TRMT10A: variants seen among roughly 807,000 people sequenced by gnomAD.
TRMT10A encodes tRNA methyltransferase 10A.
Under a neutral mutation model 40.4 loss-of-function variants are expected in TRMT10A, and 37 were observed. That is an observed-to-expected ratio of 0.92 (90% CI 0.71 to 1.21). TRMT10A has a LOEUF of 1.21. TRMT10A is among the 50% of genes most tolerant of loss of function. The probability of loss-of-function intolerance (pLI) is 0.00; values close to 1 mark genes in which losing one functional copy is unlikely to be tolerated. For synonymous variants in TRMT10A, 103 were observed against 134.1 expected (o/e 0.77, Z 1.60); for missense variants, 388 against 404.3 (o/e 0.96, Z 0.35).
rs372308165 is a variant in TRMT10A, at chr4:99,556,635, A to G, written c.421-415T>C. Among the ~76,000 whole-genome samples the G allele has an allele frequency of 2.0e-5, 3 of 152,136 alleles. No homozygotes were observed. In the East Asian group the frequency reaches 5.8e-4, roughly 29 times the overall value. On this transcript the variant is annotated intron_variant, in intron 4 of 7. Coordinates refer to ENST00000394876, the MANE Select transcript of TRMT10A (RefSeq NM_001134665.3). ...AATCAAGGGTGAGAAGGGGTCTACT[A>G]CAGATAAAAATGGGGATAAAAGGAC...
rs1724016030 is a variant in TRMT10A, at chr4:99,552,885, TGGTG to T, written c.645+896_645+899del. 2.0e-5 allele frequency among the ~76,000 whole-genome samples: 3 copies of T among 151,154 alleles called. No individual in the cohort carries two copies. In the South Asian group the frequency reaches 6.3e-4, roughly 32 times the overall value. Reference sequence around the variant, plus strand: ...TTTGTCAACTGATGGTTTGCATACTTGGTGGGGGGGGGAGGCAGCAAATAATAAT... The same window carrying T: ...TTTGTCAACTGATGGTTTGCATACTTGGGGGGGGAGGCAGCAAATAATAAT... On this transcript the variant is annotated intron_variant, in intron 6 of 7. Transcript: ENST00000394876.
In TRMT10A at chr4:99,559,370, A is replaced by G. The variant is rs752611156; in HGVS notation, c.-23-9T>C. 2 of 1,555,794 alleles carry G rather than the reference A, an allele frequency of 1.3e-6. No homozygotes were observed. The highest frequency in any genetic ancestry group is 1.2e-5 in the South Asian group (1 of 82,268). On this transcript the variant is annotated splice_polypyrimidine_tract_variant and intron_variant, in intron 1 of 7. Coordinates refer to ENST00000394876, the MANE Select transcript of TRMT10A (RefSeq NM_001134665.3). Reference sequence around the variant, plus strand: ...GTGCCTCTGAAAAACAACTTTTGACATGAATAGATAATTTACAAGCACAAA... The same window carrying G: ...GTGCCTCTGAAAAACAACTTTTGACGTGAATAGATAATTTACAAGCACAAA...
rs1723777038 is a variant in TRMT10A, at chr4:99,547,380, A to C, written c.*1708T>G. 6.6e-6 allele frequency: 1 copy of C among 152,142 alleles called. No homozygotes were observed. The highest frequency in any genetic ancestry group is 2.4e-5 in the African/African-American group (1 of 41,444). The allele number at this position is 152,142 out of a possible 1,614,324, so 9.4% of individuals were successfully genotyped here. On this transcript the variant is annotated 3_prime_UTR_variant, in exon 8 of 8. Coordinates refer to ENST00000394876, the MANE Select transcript of TRMT10A (RefSeq NM_001134665.3). ...GAATAAATTTCTGTTGTTTAAAGCC[A>C]CCCAGTTTGTGGTAATTTGTTCTAG...
In TRMT10A at chr4:99,549,287, T is replaced by C. The variant is rs1265849444; in HGVS notation, c.821A>G (p.Gln274Arg). 3.7e-6 allele frequency: 6 copies of C among 1,614,024 alleles called. No homozygotes were observed. Among genetic ancestry groups the C allele is most frequent in the Non-Finnish European group, 5.1e-6 (6 of 1,180,000 alleles). ...WQEAFFTILP[Q>R]RKGAVPTDKA... ...GTCTGTGGGAACAGCTCCTTTCCGT[T>C]GGGGCAAGATAGTAAAAAATGCTTC... Residue 274 changes from glutamine to arginine, a missense_variant, in exon 8 of 8, where the codon CAA (glutamine) becomes CGA (arginine). Coordinates refer to ENST00000394876, the MANE Select transcript of TRMT10A (RefSeq NM_001134665.3).
chr4:99,557,563 T>C (rs536494825), intron 3 of TRMT10A, 147 bp from the exon 4 acceptor site: 13 of 623,752 alleles, frequency 2.1e-5, no homozygotes, highest in African/African-American at 1.3e-4. Flanking sequence ...TAAATGTTAT[T>C]TGATTTCCTT....
At chr4:99,553,252 C>A (rs923028512) in intron 6 of TRMT10A, among the ~76,000 whole-genome samples, 1 of 151,926 alleles carries the variant, frequency 6.6e-6, no homozygotes, top group African/African-American at 2.4e-5. Context: ...ATGTAGCTGG[C>A]GAAGTACAAA....
intron 3 of TRMT10A, 180 bp from the exon 4 acceptor site, chr4:99,557,596 A>G: frequency 1.8e-6 from 1 of 543,218 alleles, no homozygotes; most frequent in South Asian, 2.5e-5. Context: ...AATTACTGTA[A>G]GTTAATGCTC....
Position 99,563,997 on chromosome 4 carries a change from C to T in TRMT10A, c.-108G>A. On this transcript the variant is annotated 5_prime_UTR_variant, in exon 1 of 8. It adds an upstream start codon to the 5' untranslated region. Transcript: ENST00000394876. Reference sequence around the variant, plus strand: ...TGGTTACGGCTCACGCTTCCTTCCACAGAAACTTCAATTCCCAGAGGCAGG... The same window carrying T: ...TGGTTACGGCTCACGCTTCCTTCCATAGAAACTTCAATTCCCAGAGGCAGG... 1 of 1,448,694 alleles carries T rather than the reference C, an allele frequency of 6.9e-7. No individual in the cohort carries two copies. Among genetic ancestry groups the T allele is most frequent in the Non-Finnish European group, 9.4e-7 (1 of 1,068,848 alleles). The allele number at this position is 1,448,694 out of a possible 1,614,324, so 89.7% of individuals were successfully genotyped here. A position where few individuals can be genotyped will look rare whatever the true frequency, so the allele number is the denominator to read the frequency against.
chr4:99,549,405 T>C (rs753906248), intron 7 of TRMT10A, 49 bp from the exon 8 acceptor site: 2 of 1,591,596 alleles, frequency 1.3e-6, no homozygotes, highest in Middle Eastern at 1.7e-4. Flanking sequence ...TTCATCACAA[T>C]GCTGCACAAT....
rs35438566 is a variant in TRMT10A at position 99,552,625 on chromosome 4, T to TA, written c.645+1159dup. Among the ~76,000 whole-genome samples the TA allele has an allele frequency of 2.8e-3, 423 of 151,568 alleles. 4 individuals carry two copies. Among genetic ancestry groups the TA allele is most frequent in the Middle Eastern group, 0.017 (5 of 290 alleles). ...AGCACCATCATTCTTCCCGTAAGTG[T>TA]AAAAAAAAATTAAATTTCAATTAGT... On this transcript the variant is annotated intron_variant, in intron 6 of 7. Transcript: ENST00000394876.
rs189545916 is a variant in TRMT10A at position 99,548,682 on chromosome 4, T to A, written c.*406A>T. On this transcript the variant is annotated 3_prime_UTR_variant, in exon 8 of 8. Transcript: ENST00000394876. ...AAATGCTGATAGATTGACAGTATAT[T>A]TATGAATATGTGCCCTCACAGATAT... 5.2e-5 allele frequency: 8 copies of A among 155,072 alleles called. No homozygotes were observed. The highest frequency in any genetic ancestry group is 1.3e-4 in the Admixed American group (2 of 15,536). 9.6% of individuals were successfully genotyped at this position (155,072 alleles called of 1,614,324 possible). A position where few individuals can be genotyped will look rare whatever the true frequency, so the allele number is the denominator to read the frequency against.
chr4:99,559,883 G>A (rs899937249), intron 1 of TRMT10A, among the ~76,000 whole-genome samples: 5 of 151,942 alleles, frequency 3.3e-5, no homozygotes, highest in Non-Finnish European at 5.9e-5. Flanking sequence ...AAGGGGAAAC[G>A]GTTATACATT....
intron 7 of TRMT10A, among the ~76,000 whole-genome samples, chr4:99,549,726 A>G (rs955999174): frequency 6.6e-6 from 1 of 152,166 alleles, no homozygotes; most frequent in Non-Finnish European, 1.5e-5. Flanking sequence ...TGTTTCCTGT[A>G]AAGAGCCACT....
Position 99,548,972 on chromosome 4 carries a change from T to C in TRMT10A, c.*116A>G, listed in dbSNP as rs531657951. 48 of 1,192,254 alleles carry C rather than the reference T, an allele frequency of 4.0e-5. No homozygotes were observed. The South Asian group carries it at 1.2e-3, about 30-fold the overall frequency. The allele number at this position is 1,192,254 out of a possible 1,614,324, so 73.9% of individuals were successfully genotyped here. On this transcript the variant is annotated 3_prime_UTR_variant, in exon 8 of 8. Coordinates refer to ENST00000394876, the MANE Select transcript of TRMT10A (RefSeq NM_001134665.3). ...TTATTATTTAGGTCCAAAAAAAAGT[T>C]TTTAAAAATCACAACAGAAATAAGA...
rs997923426 is a variant in TRMT10A, at chr4:99,547,928, A to G, written c.*1160T>C. 1.3e-5 allele frequency: 2 copies of G among 152,172 alleles called. No individual in the cohort carries two copies. Among genetic ancestry groups the G allele is most frequent in the Admixed American group, 1.3e-4 (2 of 15,276 alleles). The allele number at this position is 152,172 out of a possible 1,614,324, so 9.4% of individuals were successfully genotyped here. ...AGAGACCAATCATTTTACCTTAAACATTTAACTGCATGTACAATTACTGAT... is the reference window on the plus strand; with the variant it reads ...AGAGACCAATCATTTTACCTTAAACGTTTAACTGCATGTACAATTACTGAT... On this transcript the variant is annotated 3_prime_UTR_variant, in exon 8 of 8. Transcript: ENST00000394876.
At chr4:99,556,970 C>T (rs1221610700) in intron 4 of TRMT10A, among the ~76,000 whole-genome samples, 1 of 152,120 alleles carries the variant, frequency 6.6e-6, no homozygotes, top group Non-Finnish European at 1.5e-5. Flanking sequence ...ACAACAGATA[C>T]CACGACATAT....
chr4:99,550,617 T>G (rs1208048497), intron 7 of TRMT10A, among the ~76,000 whole-genome samples: 1 of 152,090 alleles, frequency 6.6e-6, no homozygotes, highest in Non-Finnish European at 1.5e-5. Context: ...ATAATATATA[T>G]ACATAGGAAA....
Position 99,559,297 on chromosome 4 carries a change from A to C in TRMT10A, c.42T>G (p.Asn14Lys). 1.2e-6 allele frequency: 2 copies of C among 1,612,452 alleles called. No homozygotes were observed. Among genetic ancestry groups the C allele is most frequent in the Non-Finnish European group, 1.7e-6 (2 of 1,179,026 alleles). The part of the protein sequence containing the change: ...EMLPAFIETS[N>K]VDKKQGINED... ...CATTTATGCCTTGCTTTTTGTCAAC[A>C]TTAGAAGTTTCAATAAATGCTGGCA... The change falls in exon 2 of 8, where the codon AAT (asparagine) becomes AAG (lysine). Residue 14 changes from asparagine to lysine, a missense_variant. Physicochemically the swap from Asn to Lys is moderately conservative, Grantham distance 94. Transcript: ENST00000394876.
At chr4:99,555,750 C>G (rs1460056184) in intron 5 of TRMT10A, among the ~76,000 whole-genome samples, 1 of 152,090 alleles carries the variant, frequency 6.6e-6, no homozygotes, top group Non-Finnish European at 1.5e-5. Flanking sequence ...AGTTCAATAG[C>G]CACATGTGGA....
Sources: allele counts gnomAD v4.1 joint callset (sites outside exome capture counted in the v4.1 genomes callset), GRCh38; gene constraint gnomAD v4.1.1; transcripts MANE v1.5; gene names NCBI Gene and HGNC (gene_info 2026-07-23, HGNC 2026-07-21).